The following EEPD1 variants were observed in gnomAD, a reference collection of about 807,000 sequenced individuals.
The protein encoded by EEPD1 is endonuclease/exonuclease/phosphatase family domain containing 1, also known as endonuclease/exonuclease/phosphatase family domain-containing protein 1.
Under a neutral mutation model 46.3 loss-of-function variants are expected in EEPD1, and 17 were observed. That is an observed-to-expected ratio of 0.37 (90% CI 0.25 to 0.55). The LOEUF (loss-of-function observed/expected upper bound fraction) is 0.55, where lower values mean the gene tolerates loss of function less well. Among genes scored for constraint, EEPD1 ranks in the 20% least tolerant of loss-of-function variants. The pLI is 0.83. For missense variants in EEPD1, 673 were observed against 745.6 expected, an observed-to-expected ratio of 0.90 and a Z score of 1.13; for synonymous variants, 313 against 315.6, an observed-to-expected ratio of 0.99 and a Z score of 0.09.
At chr7:36,214,223 G>GAGT (rs1785988143) in intron 2 of EEPD1, among the ~76,000 whole-genome samples, 1 of 152,218 alleles carries the variant, frequency 6.6e-6, no homozygotes, top group Admixed American at 6.5e-5. Context: ...AAGCTCTTCA[G>GAGT]AGTGGGCAGG....
In EEPD1 at chr7:36,154,460, A is replaced by G; in HGVS notation, c.136A>G (p.Thr46Ala). 4 of 1,614,220 alleles carry G rather than the reference A, an allele frequency of 2.5e-6. No homozygotes were observed. The highest frequency in any genetic ancestry group is 1.7e-5 in the Admixed American group (1 of 60,034). Residue 46 changes from threonine (T) to alanine (A), a missense_variant, in exon 2 of 8, where the codon ACG (threonine) becomes GCG (alanine). Transcript: ENST00000242108. The surrounding 1 kb of genome is among the most constrained non-coding windows in gnomAD (Gnocchi z 4.2). ...NQERLNINTATEEELMTLPGV... is the reference protein window; with the variant it reads ...NQERLNINTAAEEELMTLPGV... Reference sequence around the variant, plus strand: ...GGAGCGGCTCAACATCAACACTGCCACGGAGGAGGAGCTGATGACCCTGCC... The same window carrying G: ...GGAGCGGCTCAACATCAACACTGCCGCGGAGGAGGAGCTGATGACCCTGCC...
chr7:36,262,504 C>T (rs949824847), intron 3 of EEPD1, among the ~76,000 whole-genome samples: 1 of 152,172 alleles, frequency 6.6e-6, no homozygotes, highest in Admixed American at 6.5e-5. Context: ...TTGAGAGATT[C>T]AAGTGCATGG....
At chr7:36,219,804 A>AGTGTGTGTGT (rs770071168) in intron 2 of EEPD1, among the ~76,000 whole-genome samples, 6,216 of 87,366 alleles carry the variant, frequency 0.071, 156 homozygotes, top group Non-Finnish European at 0.1. Flanking sequence ...AGAGAGAGAG[A>AGTGTGTGTGT]GAGTGTGTGT....
chr7:36,208,847 G>T (rs1405961567), intron 2 of EEPD1, among the ~76,000 whole-genome samples: 3 of 152,234 alleles, frequency 2.0e-5, no homozygotes. Context: ...CTGGGAACTT[G>T]TTAGGAATGC....
At chr7:36,277,133 G>A (rs1472442473) in intron 3 of EEPD1, among the ~76,000 whole-genome samples, 2 of 152,252 alleles carry the variant, frequency 1.3e-5, no homozygotes, top group African/African-American at 4.8e-5. Context: ...GGAGAAAGGA[G>A]CCAAAGATTC....
rs978651948 is a variant in EEPD1, at chr7:36,301,416, A to G, written c.*2210A>G. 1 of 152,244 alleles carries G rather than the reference A, an allele frequency of 6.6e-6. No homozygotes were observed. Among genetic ancestry groups the G allele is most frequent in the Non-Finnish European group, 1.5e-5 (1 of 68,050 alleles). The allele number at this position is 152,244 out of a possible 1,614,324, so 9.4% of individuals were successfully genotyped here. A position where few individuals can be genotyped will look rare whatever the true frequency, so the allele number is the denominator to read the frequency against. The stretch of plus-strand genomic sequence containing the variant: ...TTCCCATATCCCTCCTCTTCTTTGC[A>G]TATTTCCCCCTCTAATTAGCATGTT... On this transcript the variant is annotated 3_prime_UTR_variant, in exon 8 of 8. Coordinates refer to ENST00000242108, the MANE Select transcript of EEPD1 (RefSeq NM_030636.3).
chr7:36,285,605 G>A (rs903319399), intron 5 of EEPD1, among the ~76,000 whole-genome samples: 3 of 152,198 alleles, frequency 2.0e-5, no homozygotes, highest in Non-Finnish European at 2.9e-5. Flanking sequence ...TTGGCAGTCA[G>A]TGAGCCTTAT....
chr7:36,214,950 C>T (rs967398620), intron 2 of EEPD1, among the ~76,000 whole-genome samples: 3 of 152,178 alleles, frequency 2.0e-5, no homozygotes, highest in Admixed American at 2.0e-4. Context: ...GCTGGGATCC[C>T]AGGCAGCTTT....
intron 3 of EEPD1, among the ~76,000 whole-genome samples, chr7:36,245,734 G>A (rs1190372262): frequency 6.6e-6 from 1 of 152,240 alleles, no homozygotes; most frequent in Non-Finnish European, 1.5e-5. Context: ...GATCTAAGAT[G>A]TGTGAGTGTC....
intron 3 of EEPD1, among the ~76,000 whole-genome samples, chr7:36,267,010 C>T (rs942190186): frequency 6.6e-6 from 1 of 152,212 alleles, no homozygotes; most frequent in Non-Finnish European, 1.5e-5. Context: ...CTTCGAGCTA[C>T]TGGGAGTAGT....
At chr7:36,174,806 A>C (rs1197353971) in intron 2 of EEPD1, among the ~76,000 whole-genome samples, 1 of 152,206 alleles carries the variant, frequency 6.6e-6, no homozygotes, top group Non-Finnish European at 1.5e-5. Flanking sequence ...AGATTAAAAA[A>C]CTTAGCAGTC....
At chr7:36,165,767 A>G (rs1360907372) in intron 2 of EEPD1, among the ~76,000 whole-genome samples, 1 of 151,856 alleles carries the variant, frequency 6.6e-6, no homozygotes, top group Non-Finnish European at 1.5e-5. Context: ...ACATACTCCC[A>G]TTGTTAAACG....
At chr7:36,187,677 G>A (rs754830183) in intron 2 of EEPD1, among the ~76,000 whole-genome samples, 8 of 152,220 alleles carry the variant, frequency 5.3e-5, no homozygotes, top group African/African-American at 1.9e-4. Flanking sequence ...TCCACTTTTT[G>A]GTTATTGTGA....
rs920524284 is a variant in EEPD1, at chr7:36,300,942, T to C, written c.*1736T>C. 6.6e-6 allele frequency: 1 copy of C among 152,192 alleles called. No homozygotes were observed. The highest frequency in any genetic ancestry group is 2.4e-5 in the African/African-American group (1 of 41,430). 9.4% of individuals were successfully genotyped at this position (152,192 alleles called of 1,614,324 possible). A position where few individuals can be genotyped will look rare whatever the true frequency, so the allele number is the denominator to read the frequency against. Reference sequence around the variant, plus strand: ...AAAAGCAGCAGGGTTAGCATTAAAGTCAAGAGGGGCAGCTCAGGATGCTAC... The same window carrying C: ...AAAAGCAGCAGGGTTAGCATTAAAGCCAAGAGGGGCAGCTCAGGATGCTAC... On this transcript the variant is annotated 3_prime_UTR_variant, in exon 8 of 8. Coordinates refer to ENST00000242108, the MANE Select transcript of EEPD1 (RefSeq NM_030636.3).
At chr7:36,220,914 C>T (rs1404039720) in intron 2 of EEPD1, among the ~76,000 whole-genome samples, 7 of 152,190 alleles carry the variant, frequency 4.6e-5, no homozygotes, top group African/African-American at 1.7e-4. Flanking sequence ...ATTCTCCAGC[C>T]TCAGCCTCCT....
chr7:36,238,489 G>T (rs1238076668), intron 2 of EEPD1, among the ~76,000 whole-genome samples: 1 of 152,160 alleles, frequency 6.6e-6, no homozygotes, highest in Non-Finnish European at 1.5e-5. Context: ...AAGTGGGATC[G>T]TATAGTATTT....
intron 3 of EEPD1, among the ~76,000 whole-genome samples, chr7:36,242,086 C>A (rs1786562413): frequency 6.6e-6 from 1 of 152,204 alleles, no homozygotes; most frequent in African/African-American, 2.4e-5. Flanking sequence ...CCTAAGCCCA[C>A]CTTCCTAACT....
chr7:36,202,630 TAGGCTGTATTTTAATCTA>T (rs1435162483), intron 2 of EEPD1, among the ~76,000 whole-genome samples: 1 of 152,198 alleles, frequency 6.6e-6, no homozygotes, highest in African/African-American at 2.4e-5. Context: ...AGGTACTGAA[TAGGCTGTATTTTAATCTA>T]AGCTAACGTT....
chr7:36,206,924 C>G (rs1188791604), intron 2 of EEPD1, among the ~76,000 whole-genome samples: 1 of 152,138 alleles, frequency 6.6e-6, no homozygotes, highest in Non-Finnish European at 1.5e-5. Flanking sequence ...TGGCGTGCAC[C>G]TGTAATCCCA....
Sources: allele counts gnomAD v4.1 joint callset (sites outside exome capture counted in the v4.1 genomes callset), GRCh38; gene constraint gnomAD v4.1.1; non-coding constraint Gnocchi (gnomAD v3.1); transcripts MANE v1.5; gene names NCBI Gene and HGNC (gene_info 2026-07-23, HGNC 2026-07-21).